Variants in PRPF19 observed in about 807,000 individuals in gnomAD.
The protein encoded by PRPF19 is pre-mRNA processing factor 19, also known as pre-mRNA-processing factor 19.
A neutral mutation model predicts 64.2 loss-of-function variants in PRPF19; 2 were observed. The observed-to-expected ratio is 0.03, with a 90% CI of 0.01 to 0.10. The LOEUF (loss-of-function observed/expected upper bound fraction) is 0.10. PRPF19 is among the 10% of genes least tolerant of loss of function. The pLI is 1.00. For missense variants in PRPF19, 314 were observed against 650.0 expected (o/e 0.48, Z 5.62); for synonymous variants, 226 against 251.6 (o/e 0.90, Z 0.96).
chr11:60,901,648 C>T, intron 6 of PRPF19, 108 bp from the exon 7 acceptor site: 1 of 1,257,696 alleles, frequency 8.0e-7, no homozygotes, highest in Non-Finnish European at 1.1e-6. Context: ...AACTTGCTAT[C>T]TGCCAACTTC....
Position 60,898,776 on chromosome 11 carries a change from G to T in PRPF19, c.1054+86C>A, listed in dbSNP as rs1240028277. 14 of 1,505,366 alleles carry T rather than the reference G, an allele frequency of 9.3e-6. No homozygotes were observed. Among genetic ancestry groups the T allele is most frequent in the South Asian group, 7.5e-5 (6 of 80,170 alleles). The allele number at this position is 1,505,366 out of a possible 1,614,324, so 93.3% of individuals were successfully genotyped here. On this transcript the variant is annotated intron_variant, in intron 12 of 15. Transcript: ENST00000227524. The surrounding 1 kb of genome is among the most constrained non-coding windows in gnomAD (Gnocchi z 4.6). ...GGTGCTCATGGTAAATATATCTTTAGAACAAATAAACAAATGACTAAATAA... is the reference window on the plus strand; with the variant it reads ...GGTGCTCATGGTAAATATATCTTTATAACAAATAAACAAATGACTAAATAA...
Position 60,898,962 on chromosome 11 carries a change from G to GT in PRPF19, c.985-32dup, listed in dbSNP as rs1855951419. ...GAAAAAAAAAGAGACAATGGAGTCA[G>GT]TGAGAAAGTGGGTCCCAGGTTCTGG... is the stretch of plus-strand genomic sequence containing the variant. On this transcript the variant is annotated intron_variant, in intron 11 of 15. Coordinates refer to ENST00000227524, the MANE Select transcript of PRPF19 (RefSeq NM_014502.5). The surrounding 1 kb of genome is among the most constrained non-coding windows in gnomAD (Gnocchi z 4.6). 6.4e-7 allele frequency: 1 copy of GT among 1,558,982 alleles called. No homozygotes were observed. The highest frequency in any genetic ancestry group is 8.7e-7 in the Non-Finnish European group (1 of 1,147,084).
chr11:60,902,515 T>C lies in PRPF19; in HGVS notation c.463-50A>G. ...AGAGGCACAGAGCACCAAAGACACC[T>C]GCATAAGGACAGTTCTGTGGGCCAC... On this transcript the variant is annotated intron_variant, in intron 5 of 15. Coordinates refer to ENST00000227524, the MANE Select transcript of PRPF19 (RefSeq NM_014502.5). The surrounding 1 kb of genome is among the most constrained non-coding windows in gnomAD (Gnocchi z 5.0). 1.2e-6 allele frequency: 2 copies of C among 1,608,266 alleles called. No individual in the cohort carries two copies. The highest frequency in any genetic ancestry group is 1.7e-6 in the Non-Finnish European group (2 of 1,174,678).
chr11:60,893,822 G>A (rs968599844), intron 15 of PRPF19, among the ~76,000 whole-genome samples: 1 of 152,014 alleles, frequency 6.6e-6, no homozygotes, highest in Non-Finnish European at 1.5e-5. Context: ...GGGTGTGATG[G>A]TGCCCACCTG....
chr11:60,903,917 G>A (rs990179526), intron 1 of PRPF19, 56 bp from the exon 2 acceptor site: 1 of 1,577,594 alleles, frequency 6.3e-7, no homozygotes. Flanking sequence ...GGGCCTAGAG[G>A]ATTCCTCATC....
intron 1 of PRPF19, among the ~76,000 whole-genome samples, chr11:60,905,935 G>A (rs1856040728): frequency 1.3e-5 from 2 of 152,178 alleles, no homozygotes; most frequent in African/African-American, 4.8e-5. Context: ...GCGAGGCCTC[G>A]CAAAACATCC....
At position 60,903,693 on chromosome 11, in the gene PRPF19, T is replaced by A; in HGVS notation, c.169+19A>T. 1.9e-6 allele frequency: 3 copies of A among 1,585,562 alleles called. No individual in the cohort carries two copies. In the South Asian group the frequency reaches 3.4e-5, roughly 18 times the overall value. ...GCTCTGAGCTAAGATGGCCCTAGAC[T>A]AAGGCAGCCAATAGGCACCTTTGAT... On this transcript the variant is annotated intron_variant, in intron 2 of 15. Transcript: ENST00000227524.
chr11:60,904,095 C>T (rs1054739148), intron 1 of PRPF19, among the ~76,000 whole-genome samples: 1 of 152,198 alleles, frequency 6.6e-6, no homozygotes, highest in African/African-American at 2.4e-5. Flanking sequence ...ATCTGACAAT[C>T]ATATAGTCAA....
intron 1 of PRPF19, among the ~76,000 whole-genome samples, chr11:60,905,857 G>A (rs1030909884): frequency 3.0e-4 from 46 of 152,350 alleles, no homozygotes; most frequent in Admixed American, 2.2e-3. Context: ...ATACCTGGCT[G>A]CCAGCCTTGC....
intron 1 of PRPF19, 85 bp downstream of exon 1, chr11:60,906,279 G>A: frequency 6.7e-7 from 1 of 1,503,402 alleles, no homozygotes; most frequent in Non-Finnish European, 8.9e-7. Flanking sequence ...CTCCACCCCG[G>A]CCCGGGCGCC....
intron 15 of PRPF19, among the ~76,000 whole-genome samples, chr11:60,896,716 A>G (rs1240387968): frequency 6.6e-6 from 1 of 152,246 alleles, no homozygotes; most frequent in Non-Finnish European, 1.5e-5. Flanking sequence ...GCAGTTCTTC[A>G]TAGCAGTGTG....
chr11:60,898,920 G>A lies in PRPF19; in HGVS notation c.996C>T (p.Phe332=). Residue 332 remains phenylalanine (F), a synonymous_variant, in exon 12 of 16, where the codon TTC becomes TTT. Transcript: ENST00000227524. This position sits in a 1 kb window ranked among gnomAD's most constrained non-coding sequence, Gnocchi z 4.6. Reference sequence around the variant, plus strand: ...GCACACGCCCTGTCTGGATGTCAGAGAAAGCCCAGTACTGGGGAAAAAAAA... The same window carrying A: ...GCACACGCCCTGTCTGGATGTCAGAAAAAGCCCAGTACTGGGGAAAAAAAA... ...LSSSDDQYWA[F]SDIQTGRVLT... 6.3e-7 allele frequency: 1 copy of A among 1,599,966 alleles called. No homozygotes were observed.
At chr11:60,906,261 A>C in intron 1 of PRPF19, 103 bp downstream of exon 1, 1 of 1,462,006 alleles carries the variant, frequency 6.8e-7, no homozygotes, top group Non-Finnish European at 9.0e-7. Flanking sequence ...GGAGCGCCCC[A>C]TTCCCGCCTC....
rs1015334723 is a variant in PRPF19, at chr11:60,906,546, G to T, written c.-164C>A. On this transcript the variant is annotated 5_prime_UTR_variant, in exon 1 of 16. Transcript: ENST00000227524. The stretch of plus-strand genomic sequence containing the variant: ...GCGTAGCGCTTCACGTGGGAATGGG[G>T]ACAGCCGCGCGCCACAGCCTTCAGC... 18 of 701,064 alleles carry T rather than the reference G, an allele frequency of 2.6e-5. No homozygotes were observed. In the African/African-American group the frequency reaches 3.2e-4, roughly 12 times the overall value. 43.4% of individuals were successfully genotyped at this position (701,064 alleles called of 1,614,324 possible).
rs1590607433 is a variant in PRPF19 at position 60,900,585 on chromosome 11, G to C, written c.825C>G (p.Ser275=). 5.8e-6 allele frequency: 9 copies of C among 1,549,788 alleles called. No individual in the cohort carries two copies. In the East Asian group the frequency reaches 9.7e-5, roughly 17 times the overall value. Residue 275 remains serine, a synonymous_variant, in exon 10 of 16, where the codon TCC becomes TCG. Coordinates refer to ENST00000227524, the MANE Select transcript of PRPF19 (RefSeq NM_014502.5). The part of the protein sequence containing the change: ...KKVTSVVFHP[S]QDLVFSASPD... ...GGTGGCGAGGAGAACCCCTTACCTG[G>C]GAAGGGTGAAACACCACGCTGGTGA...
chr11:60,902,430 C>T lies in PRPF19; in HGVS notation c.498G>A (p.Val166=). The T allele has an allele frequency of 6.2e-7, 1 of 1,614,168 alleles. No individual in the cohort carries two copies. Among genetic ancestry groups the T allele is most frequent in the Non-Finnish European group, 8.5e-7 (1 of 1,180,028 alleles). ...TCTGAATAATCTCTGGGGTCATTCCCACCAGCTCACCCAAATCCATTGGCT... is the reference window on the plus strand; with the variant it reads ...TCTGAATAATCTCTGGGGTCATTCCTACCAGCTCACCCAAATCCATTGGCT... ...AGEPMDLGEL[V]GMTPEIIQKL... The change falls in exon 6 of 16, where the codon GTG becomes GTA. Residue 166 remains valine, a synonymous_variant. Coordinates refer to ENST00000227524, the MANE Select transcript of PRPF19 (RefSeq NM_014502.5). This position sits in a 1 kb window ranked among gnomAD's most constrained non-coding sequence, Gnocchi z 5.0.
chr11:60,898,759 T>C lies in PRPF19; in HGVS notation c.1054+103A>G, dbSNP rs1264671405. On this transcript the variant is annotated intron_variant, in intron 12 of 15. Coordinates refer to ENST00000227524, the MANE Select transcript of PRPF19 (RefSeq NM_014502.5). This position sits in a 1 kb window ranked among gnomAD's most constrained non-coding sequence, Gnocchi z 4.6. ...AAAGCCCGCACTAGACAGGTGCTCA[T>C]GGTAAATATATCTTTAGAACAAATA... 3.3e-6 allele frequency: 5 copies of C among 1,519,054 alleles called. No individual in the cohort carries two copies. Among genetic ancestry groups the C allele is most frequent in the African/African-American group, 2.8e-5 (2 of 71,076 alleles). 94.1% of individuals were successfully genotyped at this position (1,519,054 alleles called of 1,614,324 possible). A position where few individuals can be genotyped will look rare whatever the true frequency, so the allele number is the denominator to read the frequency against.
rs1041516089 is a variant in PRPF19 at position 60,902,274 on chromosome 11, G to A, written c.525+129C>T. On this transcript the variant is annotated intron_variant, in intron 6 of 15. Coordinates refer to ENST00000227524, the MANE Select transcript of PRPF19 (RefSeq NM_014502.5). The surrounding 1 kb of genome is among the most constrained non-coding windows in gnomAD (Gnocchi z 5.0). ...ATCAAAATACAAACCCAGGCAATCT[G>A]GTCCCAGGGTCCATGCTCTGCACCA... The A allele has an allele frequency of 2.5e-5, 25 of 1,020,342 alleles. No individual in the cohort carries two copies. Among genetic ancestry groups the A allele is most frequent in the Non-Finnish European group, 3.7e-5 (25 of 683,736 alleles). 63.2% of individuals were successfully genotyped at this position (1,020,342 alleles called of 1,614,324 possible).
chr11:60,900,836 C>A lies in PRPF19; in HGVS notation c.718+18G>T, dbSNP rs1855976149. 2 of 1,613,998 alleles carry A rather than the reference C, an allele frequency of 1.2e-6. No individual in the cohort carries two copies. The highest frequency in any genetic ancestry group is 2.2e-5 in the South Asian group (2 of 91,072). ...CCCCTCCCCACTTTGGCCTGCCGGG[C>A]TAGGCCCAGACTCTCACCAGTGAGG... On this transcript the variant is annotated intron_variant, in intron 9 of 15. Coordinates refer to ENST00000227524, the MANE Select transcript of PRPF19 (RefSeq NM_014502.5).
Sources: gnomAD v4.1 joint callset for allele counts (sites outside exome capture counted in the v4.1 genomes callset) on GRCh38, gnomAD v4.1.1 for gene constraint, Gnocchi (gnomAD v3.1) non-coding constraint, MANE v1.5 for transcripts, NCBI Gene and HGNC (gene_info 2026-07-23, HGNC 2026-07-21) for gene names.